The following DCDC2 variants were observed in gnomAD, a reference collection of about 807,000 sequenced individuals.
The protein encoded by DCDC2 is doublecortin domain-containing protein 2.
Under a neutral mutation model 50.2 loss-of-function variants are expected in DCDC2, and 40 were observed. The ratio of observed to expected loss-of-function variants is 0.80; its 90% CI spans 0.62 to 1.04. DCDC2 has a LOEUF of 1.04. Among genes scored for constraint, DCDC2 ranks in the 50% least tolerant of loss-of-function variants. The pLI is 0.00. For synonymous variants in DCDC2, 234 were observed against 210.6 expected, an observed-to-expected ratio of 1.11 and a Z score of -0.96; for missense variants, 570 against 581.9, an observed-to-expected ratio of 0.98 and a Z score of 0.21.
chr6:24,271,050 C>T (rs1287697475), intron 7 of DCDC2, among the ~76,000 whole-genome samples: 1 of 151,316 alleles, frequency 6.6e-6, no homozygotes, highest in African/African-American at 2.4e-5. Flanking sequence ...GGTGAAACCC[C>T]GTCTCTATAA....
At chr6:24,317,447 G>C (rs1233193839) in intron 2 of DCDC2, among the ~76,000 whole-genome samples, 1 of 151,770 alleles carries the variant, frequency 6.6e-6, no homozygotes, top group East Asian at 1.9e-4. Context: ...GGCATCTCTG[G>C]AAAAAGAGAA....
chr6:24,304,639 A>G (rs1336763517), intron 2 of DCDC2, among the ~76,000 whole-genome samples: 2 of 152,192 alleles, frequency 1.3e-5, no homozygotes, highest in African/African-American at 2.4e-5. Context: ...TCCTTCAAAG[A>G]TAGTCTGTAC....
rs1263847620 is a variant in DCDC2, at chr6:24,174,613, T to C, written c.*117A>G. ...ACTAGGCTTCTAATGTTATAATTCG[T>C]AGGTAGTATTCGACCATAGTGTCAC... is the stretch of plus-strand genomic sequence containing the variant. On this transcript the variant is annotated 3_prime_UTR_variant, in exon 10 of 10. Transcript: ENST00000378454. The C allele has an allele frequency of 1.5e-5, 9 of 619,968 alleles. No homozygotes were observed. The Admixed American group carries it at 2.4e-4, about 16-fold the overall frequency. The allele number at this position is 619,968 out of a possible 1,614,324, so 38.4% of individuals were successfully genotyped here. A position where few individuals can be genotyped will look rare whatever the true frequency, so the allele number is the denominator to read the frequency against.
At chr6:24,358,698 A>AT (rs200898096), upstream of DCDC2, among the ~76,000 whole-genome samples, 68 of 88,642 alleles carry the variant, frequency 7.7e-4, no homozygotes, top group East Asian at 2.5e-3. Context: ...TAAAATATAT[A>AT]TTTTTTTTAT....
At chr6:24,194,827 C>T (rs887175834) in intron 8 of DCDC2, among the ~76,000 whole-genome samples, 3 of 152,118 alleles carry the variant, frequency 2.0e-5, no homozygotes, top group African/African-American at 7.2e-5. Flanking sequence ...GTATCTTAGG[C>T]TTATTAGACC....
intron 6 of DCDC2, among the ~76,000 whole-genome samples, chr6:24,287,331 T>TTTGTA (rs1362182703): frequency 4.0e-5 from 6 of 149,374 alleles, no homozygotes; most frequent in Non-Finnish European, 5.9e-5. Flanking sequence ...GGAGCCTTTG[T>TTTGTA]TTGTATTGTA....
intron 7 of DCDC2, among the ~76,000 whole-genome samples, chr6:24,245,609 C>G (rs1248642087): frequency 1.3e-5 from 2 of 152,194 alleles, no homozygotes; most frequent in Non-Finnish European, 2.9e-5. Flanking sequence ...GGGATGTTAC[C>G]TTACCCTAGA....
intron 2 of DCDC2, among the ~76,000 whole-genome samples, chr6:24,317,017 T>C (rs1759682231): frequency 6.6e-6 from 1 of 151,514 alleles, no homozygotes; most frequent in Admixed American, 6.6e-5. Context: ...AGAGACAAAT[T>C]TGACTTCGTA....
intron 8 of DCDC2, among the ~76,000 whole-genome samples, chr6:24,196,183 T>C (rs982036033): frequency 6.7e-6 from 1 of 149,982 alleles, no homozygotes; most frequent in African/African-American, 2.5e-5. Flanking sequence ...TTTCCTTTCT[T>C]AATTAGGATT....
chr6:24,363,905 TATC>T, the DCDC2 span, among the ~76,000 whole-genome samples: 1 of 152,204 alleles, frequency 6.6e-6, no homozygotes, highest in African/African-American at 2.4e-5. Flanking sequence ...TTCAAATCCT[TATC>T]ATTTCTCTTA....
intron 2 of DCDC2, among the ~76,000 whole-genome samples, chr6:24,320,637 C>T (rs564514391): frequency 6.6e-6 from 1 of 152,232 alleles, no homozygotes; most frequent in East Asian, 1.9e-4. Flanking sequence ...CGGCTACAAA[C>T]TCAGTGTTTA....
the DCDC2 span, among the ~76,000 whole-genome samples, chr6:24,380,724 T>G: frequency 2.0e-5 from 3 of 152,210 alleles, no homozygotes; most frequent in Non-Finnish European, 4.4e-5. Flanking sequence ...TGATCAATTA[T>G]GAGGAGTGAG....
chr6:24,341,264 C>T (rs1031597721), intron 2 of DCDC2, among the ~76,000 whole-genome samples: 1 of 152,166 alleles, frequency 6.6e-6, no homozygotes, highest in African/African-American at 2.4e-5. Flanking sequence ...CTCTCTCCCA[C>T]GATCCTTCAC....
At chr6:24,199,464 C>G (rs1761532982) in intron 8 of DCDC2, among the ~76,000 whole-genome samples, 1 of 152,154 alleles carries the variant, frequency 6.6e-6, no homozygotes, top group African/African-American at 2.4e-5. Flanking sequence ...GGAATAACAT[C>G]AACACCAACA....
intron 2 of DCDC2, among the ~76,000 whole-genome samples, chr6:24,302,482 T>G (rs537671975): frequency 3.4e-4 from 51 of 152,206 alleles, no homozygotes; most frequent in African/African-American, 1.2e-3. Flanking sequence ...TTCTGATCCT[T>G]GGCCCCCACC....
At chr6:24,256,143 T>C (rs911759658) in intron 7 of DCDC2, among the ~76,000 whole-genome samples, 2 of 152,180 alleles carry the variant, frequency 1.3e-5, no homozygotes, top group Non-Finnish European at 2.9e-5. Flanking sequence ...CAACATAGTA[T>C]GTGGTTTTAT....
At chr6:24,321,409 C>G (rs1213887510) in intron 2 of DCDC2, among the ~76,000 whole-genome samples, 1 of 152,174 alleles carries the variant, frequency 6.6e-6, no homozygotes, top group Non-Finnish European at 1.5e-5. Flanking sequence ...ACCTGGCAGA[C>G]ATCACCGTAA....
At chr6:24,205,369 T>A in intron 7 of DCDC2, 1 of 1,466,792 alleles carries the variant, frequency 6.8e-7, no homozygotes, top group Non-Finnish European at 9.1e-7. Context: ...GGCTACTGAT[T>A]TACTAACATA....
chr6:24,239,518 C>A (rs1374795365), intron 7 of DCDC2, among the ~76,000 whole-genome samples: 1 of 152,212 alleles, frequency 6.6e-6, no homozygotes, highest in Non-Finnish European at 1.5e-5. Flanking sequence ...AACACCGAGG[C>A]AGGCATGTGA....
Sources: gnomAD v4.1 joint callset for allele counts (sites outside exome capture counted in the v4.1 genomes callset) on GRCh38, gnomAD v4.1.1 for gene constraint, MANE v1.5 for transcripts, NCBI Gene and HGNC (gene_info 2026-07-23, HGNC 2026-07-21) for gene names.